PKP4: variants seen among roughly 807,000 people sequenced by gnomAD.
PKP4 encodes plakophilin-4.
PKP4 carries 90 observed loss-of-function variants against 145.1 expected under a neutral mutation model. The ratio of observed to expected loss-of-function variants is 0.62; its 90% CI spans 0.52 to 0.74. The LOEUF is 0.74. PKP4 is among the 30% of genes least tolerant of loss of function. The pLI is 0.00. For missense variants in PKP4, 1,340 were observed against 1,482.7 expected (o/e 0.90, Z 1.58); for synonymous variants, 563 against 577.2 (o/e 0.98, Z 0.35).
Position 158,658,203 on chromosome 2 carries a change from C to G in PKP4, c.1982C>G (p.Thr661Arg), listed in dbSNP as rs768004156. Residue 661 changes from threonine (T) to arginine (R), a missense_variant, in exon 12 of 22, where the codon ACA (threonine) becomes AGA (arginine). Physicochemically the swap from Thr to Arg is moderately conservative, Grantham distance 71 (BLOSUM62 -1). Coordinates refer to ENST00000389759, the MANE Select transcript of PKP4 (RefSeq NM_003628.6). ...TIIRDALSTLTNTVIVPHSGW... is the reference protein window; with the variant it reads ...TIIRDALSTLRNTVIVPHSGW... Reference sequence around the variant, plus strand: ...ATTCGAGATGCTCTCTCAACCTTAACAAACACTGTGATTGTTCCACATTCT... The same window carrying G: ...ATTCGAGATGCTCTCTCAACCTTAAGAAACACTGTGATTGTTCCACATTCT... 1 of 1,603,002 alleles carries G rather than the reference C, an allele frequency of 6.2e-7. No individual in the cohort carries two copies. Among genetic ancestry groups the G allele is most frequent in the Non-Finnish European group, 8.5e-7 (1 of 1,170,376 alleles).
At chr2:158,503,863 G>T (rs879774356) in intron 1 of PKP4, among the ~76,000 whole-genome samples, 2 of 151,952 alleles carry the variant, frequency 1.3e-5, no homozygotes, top group Non-Finnish European at 2.9e-5. Flanking sequence ...CAGGTTGCTG[G>T]GCTCTGTACC....
At chr2:158,468,322 T>C (rs892283731) in intron 1 of PKP4, among the ~76,000 whole-genome samples, 2 of 152,200 alleles carry the variant, frequency 1.3e-5, no homozygotes, top group African/African-American at 4.8e-5. Context: ...ATCAAGTCTT[T>C]TATCTTTTGT....
chr2:158,610,517 G>A (rs541580211), intron 4 of PKP4, among the ~76,000 whole-genome samples: 165 of 152,152 alleles, frequency 1.1e-3, no homozygotes, highest in Non-Finnish European at 1.7e-3. Flanking sequence ...TCCTTTGAAC[G>A]TACCTCTTTT....
intron 1 of PKP4, among the ~76,000 whole-genome samples, chr2:158,519,342 A>G (rs1245019322): frequency 2.6e-5 from 4 of 152,046 alleles, no homozygotes; most frequent in African/African-American, 7.3e-5. Context: ...TATTAGTTCT[A>G]CCTGTTCCAC....
chr2:158,553,892 G>T (rs1207594284), intron 2 of PKP4, among the ~76,000 whole-genome samples: 1 of 152,124 alleles, frequency 6.6e-6, no homozygotes, highest in African/African-American at 2.4e-5. Context: ...GATGAGATTT[G>T]GGATTTTTGA....
At chr2:158,551,317 T>G (rs1220620295) in intron 2 of PKP4, among the ~76,000 whole-genome samples, 2 of 152,262 alleles carry the variant, frequency 1.3e-5, no homozygotes, top group African/African-American at 2.4e-5. Context: ...TTACCATTGC[T>G]TCTCTGAATC....
chr2:158,528,538 A>T (rs1364061336), intron 1 of PKP4, among the ~76,000 whole-genome samples: 1 of 137,414 alleles, frequency 7.3e-6, no homozygotes, highest in Non-Finnish European at 1.6e-5. Flanking sequence ...CTAATGCTAG[A>T]TGACGAGTTA....
At chr2:158,674,316 G>C (rs1339093457) in intron 19 of PKP4, among the ~76,000 whole-genome samples, 3 of 152,214 alleles carry the variant, frequency 2.0e-5, no homozygotes, top group African/African-American at 7.2e-5. Flanking sequence ...TGAGAGTGGA[G>C]GGCCACACTT....
chr2:158,637,744 G>C (rs139067790), intron 9 of PKP4, among the ~76,000 whole-genome samples: 1 of 152,306 alleles, frequency 6.6e-6, no homozygotes, highest in Non-Finnish European at 1.5e-5. Context: ...TTTTATAATT[G>C]TTTATGGTGG....
intron 1 of PKP4, among the ~76,000 whole-genome samples, chr2:158,496,340 TG>T (rs1247512362): frequency 6.6e-6 from 1 of 152,110 alleles, no homozygotes; most frequent in Non-Finnish European, 1.5e-5. Context: ...ATAAATGCCA[TG>T]TTATATTTTC....
chr2:158,509,969 C>T (rs1448018986), intron 1 of PKP4, among the ~76,000 whole-genome samples: 3 of 148,002 alleles, frequency 2.0e-5, no homozygotes, highest in Non-Finnish European at 4.5e-5. Context: ...AAAAGAAATA[C>T]CAGTGTGACC....
At chr2:158,608,116 G>A (rs1454984500) in intron 4 of PKP4, among the ~76,000 whole-genome samples, 1 of 152,168 alleles carries the variant, frequency 6.6e-6, no homozygotes, top group Admixed American at 6.5e-5. Flanking sequence ...TATTCTCCAT[G>A]ATGTGATTAT....
rs555341094 is a variant in PKP4 at position 158,626,666 on chromosome 2, A to C, written c.1153+1239A>C. 1.6e-4 allele frequency among the ~76,000 whole-genome samples: 25 copies of C among 152,344 alleles called. No individual in the cohort carries two copies. The South Asian group carries it at 2.3e-3, about 14-fold the overall frequency. On this transcript the variant is annotated intron_variant, in intron 7 of 21. Coordinates refer to ENST00000389759, the MANE Select transcript of PKP4 (RefSeq NM_003628.6). Reference sequence around the variant, plus strand: ...TTTGTCTATACCTTGTCTACACTGCACTAGTGCTGCATATTCCAAGTTTTT... The same window carrying C: ...TTTGTCTATACCTTGTCTACACTGCCCTAGTGCTGCATATTCCAAGTTTTT...
intron 1 of PKP4, among the ~76,000 whole-genome samples, chr2:158,528,930 ACTC>A (rs1384393302): frequency 5.9e-5 from 9 of 152,040 alleles, no homozygotes; most frequent in Non-Finnish European, 1.3e-4. Flanking sequence ...CATTCTGAAA[ACTC>A]CTGAGGAACA....
At chr2:158,623,043 A>G (rs534772632) in intron 6 of PKP4, among the ~76,000 whole-genome samples, 7 of 152,306 alleles carry the variant, frequency 4.6e-5, no homozygotes, top group African/African-American at 1.7e-4. Context: ...CTTAATTTGC[A>G]TGTAGTCTAG....
chr2:158,639,319 GGGGTGTGTGTGTGT>G (rs2054076824), intron 9 of PKP4, among the ~76,000 whole-genome samples: 2 of 10,462 alleles, frequency 1.9e-4, no homozygotes, highest in Non-Finnish European at 1.9e-3. Flanking sequence ...GAACGCATGA[GGGGTGTGTGTGTGT>G]GTGTGTGTGC....
In PKP4 at chr2:158,535,910, C is replaced by A. The variant is rs192824189; in HGVS notation, c.132+2594C>A. Among the ~76,000 whole-genome samples, 22 of 152,194 alleles carry A rather than the reference C, an allele frequency of 1.4e-4. No individual in the cohort carries two copies. The East Asian group carries it at 4.1e-3, about 28-fold the overall frequency. ...TCTGTTTTCTCTTTTAACCATGTGACCTTGGAAAGATTTCTTAACCTTTCT... is the reference window on the plus strand; with the variant it reads ...TCTGTTTTCTCTTTTAACCATGTGAACTTGGAAAGATTTCTTAACCTTTCT... On this transcript the variant is annotated intron_variant, in intron 2 of 21. Transcript: ENST00000389759.
chr2:158,638,637 G>T (rs1217174215), intron 9 of PKP4, among the ~76,000 whole-genome samples: 1 of 152,196 alleles, frequency 6.6e-6, no homozygotes. Context: ...TGGATTGGGG[G>T]TGCAGGTGGG....
intron 3 of PKP4, among the ~76,000 whole-genome samples, chr2:158,584,031 C>A (rs2048571490): frequency 1.3e-5 from 2 of 152,158 alleles, no homozygotes; most frequent in South Asian, 4.1e-4. Context: ...GGGGAAGCCG[C>A]CTTTCTGGCC....
Sources: allele counts gnomAD v4.1 joint callset (sites outside exome capture counted in the v4.1 genomes callset), GRCh38; gene constraint gnomAD v4.1.1; transcripts MANE v1.5; gene names NCBI Gene and HGNC (gene_info 2026-07-23, HGNC 2026-07-21).